Variants in FAT3 observed in about 807,000 individuals in gnomAD.
FAT3 encodes protocadherin Fat 3.
Under a neutral mutation model 310.2 loss-of-function variants are expected in FAT3, and 95 were observed. That is an observed-to-expected ratio of 0.31 (90% CI 0.26 to 0.36). The LOEUF is 0.36. Among genes scored for constraint, FAT3 ranks in the 10% least tolerant of loss-of-function variants. FAT3 has a pLI of 1.00. For synonymous variants in FAT3, 2,314 were observed against 2,192.9 expected, an observed-to-expected ratio of 1.06 and a Z score of -1.54; for missense variants, 5,408 against 5,715.6, an observed-to-expected ratio of 0.95 and a Z score of 1.74.
intron 3 of FAT3, among the ~76,000 whole-genome samples, chr11:92,576,659 G>T (rs939567444): frequency 4.6e-5 from 7 of 152,088 alleles, no homozygotes; most frequent in Admixed American, 1.3e-4. Context: ...AAAGGCAAAG[G>T]TTCCAATCAG....
intron 3 of FAT3, 82 bp from the exon 4 acceptor site, chr11:92,697,302 C>T: frequency 2.3e-6 from 3 of 1,293,608 alleles, no homozygotes; most frequent in Admixed American, 1.8e-5. Flanking sequence ...TTTGCTTTTC[C>T]TTTAACTGGA....
Position 92,252,347 on chromosome 11 carries a change from G to A in FAT3, c.-18+27173G>A, listed in dbSNP as rs566316765. Among the ~76,000 whole-genome samples the A allele has an allele frequency of 1.6e-4, 25 of 152,262 alleles. 2 individuals carry two copies. The South Asian group carries it at 5.2e-3, about 32-fold the overall frequency. ...CAAGGTCAATGGAATGGAATGAAAAGTGAAATCCTTTGGGTTTAACTACTT... is the reference window on the plus strand; with the variant it reads ...CAAGGTCAATGGAATGGAATGAAAAATGAAATCCTTTGGGTTTAACTACTT... On this transcript the variant is annotated intron_variant, in intron 1 of 27. Coordinates refer to ENST00000525166, the MANE Select transcript of FAT3 (RefSeq NM_001367949.2).
intron 2 of FAT3, among the ~76,000 whole-genome samples, chr11:92,492,035 AG>A (rs1423141911): frequency 6.6e-6 from 1 of 152,074 alleles, no homozygotes; most frequent in Admixed American, 6.6e-5. Flanking sequence ...GTTCTTATGC[AG>A]TAATATAGTG....
At chr11:92,787,347 C>CT (rs889426056) in intron 7 of FAT3, among the ~76,000 whole-genome samples, 1 of 152,000 alleles carries the variant, frequency 6.6e-6, no homozygotes, top group South Asian at 2.1e-4. Context: ...GAATATATCT[C>CT]TTTTGTAAAT....
chr11:92,836,796 C>G (rs980707155), intron 16 of FAT3, 93 bp downstream of exon 16: 12 of 1,431,244 alleles, frequency 8.4e-6, no homozygotes, highest in South Asian at 1.4e-5. Context: ...TAGGAAAGTT[C>G]TCCATTCTAA....
chr11:92,666,090 A>G (rs560598973), intron 3 of FAT3, among the ~76,000 whole-genome samples: 41 of 152,326 alleles, frequency 2.7e-4, no homozygotes, highest in African/African-American at 9.9e-4. Flanking sequence ...GTTCATAAAC[A>G]CCTTAACCAT....
chr11:92,592,713 A>C (rs896837167), intron 3 of FAT3, among the ~76,000 whole-genome samples: 1 of 152,114 alleles, frequency 6.6e-6, no homozygotes, highest in Non-Finnish European at 1.5e-5. Context: ...GATAACTGAA[A>C]ATTTGAGCAC....
Position 92,259,958 on chromosome 11 carries a change from A to C in FAT3, c.-18+34784A>C, listed in dbSNP as rs111369530. ...TAAGATGGAACTGAGTTTGCCCTCA[A>C]GTCTTTCAAAGATAAGACAGTTTTA... On this transcript the variant is annotated intron_variant, in intron 1 of 27. Coordinates refer to ENST00000525166, the MANE Select transcript of FAT3 (RefSeq NM_001367949.2). 5.3e-5 allele frequency among the ~76,000 whole-genome samples: 8 copies of C among 152,278 alleles called. 1 individual carries two copies. The highest frequency in any genetic ancestry group is 1.7e-4 in the African/African-American group (7 of 41,568).
At chr11:92,721,872 A>G (rs370993381) in intron 4 of FAT3, among the ~76,000 whole-genome samples, 13 of 152,248 alleles carry the variant, frequency 8.5e-5, no homozygotes, top group African/African-American at 3.1e-4. Flanking sequence ...TAAAACAATC[A>G]GATCCCATGA....
At chr11:92,261,046 T>C (rs1238121965) in intron 1 of FAT3, among the ~76,000 whole-genome samples, 1 of 152,090 alleles carries the variant, frequency 6.6e-6, no homozygotes, top group Admixed American at 6.6e-5. Context: ...AGAGAAAGAA[T>C]TGTATCATTT....
In FAT3 at chr11:92,355,021, A is replaced by G. The variant is rs1197713021; in HGVS notation, c.2909A>G (p.Gln970Arg). The part of the protein sequence containing the change: ...THDPDLGLGG[Q>R]VRYSLVNDYN... ...GATCCAGATCTTGGACTGGGGGGTC[A>G]AGTGCGCTATTCTTTGGTCAATGAC... Residue 970 changes from glutamine (Q) to arginine (R), a missense_variant, in exon 2 of 28, where the codon CAA (glutamine) becomes CGA (arginine). This residue lies in a region of FAT3 where 4,588 missense variants were observed against 4,809.8 expected (regional missense o/e 0.95). Transcript: ENST00000525166. 1.2e-6 allele frequency: 2 copies of G among 1,613,818 alleles called. No individual in the cohort carries two copies. Among genetic ancestry groups the G allele is most frequent in the Non-Finnish European group, 1.7e-6 (2 of 1,179,856 alleles).
In FAT3 at chr11:92,840,757, C is replaced by G. The variant is rs1313992477; in HGVS notation, c.10564C>G (p.Gln3522Glu). 1.3e-6 allele frequency: 2 copies of G among 1,570,950 alleles called. No individual in the cohort carries two copies. ...GTCTCTGGAATACGTGTTGTGTGTC[C>G]AGGTATGGCATCGCACTCTGTCTCC... ...TESLEYVLCV[Q>E]AKDSGKPQQV... The change falls in exon 18 of 28, where the codon CAG becomes GAG. Residue 3522 changes from glutamine (Q) to glutamate (E), a missense_variant and splice_region_variant. By Grantham distance (29) the Gln-to-Glu change is conservative (BLOSUM62 2). Coordinates refer to ENST00000525166, the MANE Select transcript of FAT3 (RefSeq NM_001367949.2).
chr11:92,854,024 C>T (rs1419170204), intron 19 of FAT3, among the ~76,000 whole-genome samples: 1 of 152,126 alleles, frequency 6.6e-6, no homozygotes, highest in Non-Finnish European at 1.5e-5. Context: ...CGTATCCAGG[C>T]TGTTCATTTT....
chr11:92,852,017 A>G (rs1489191495), intron 19 of FAT3, among the ~76,000 whole-genome samples: 2 of 152,126 alleles, frequency 1.3e-5, no homozygotes, highest in Non-Finnish European at 2.9e-5. Context: ...GCATCCATTT[A>G]AAGCTTACTA....
At chr11:92,832,953 A>C (rs932406095) in intron 14 of FAT3, among the ~76,000 whole-genome samples, 1 of 152,148 alleles carries the variant, frequency 6.6e-6, no homozygotes, top group Non-Finnish European at 1.5e-5. Flanking sequence ...CTCATTTCTC[A>C]CCACATCCTT....
At chr11:92,372,637 G>A (rs1345618967) in intron 2 of FAT3, among the ~76,000 whole-genome samples, 3 of 150,522 alleles carry the variant, frequency 2.0e-5, no homozygotes, top group Non-Finnish European at 4.4e-5. Flanking sequence ...GCAGCACTTT[G>A]CGTTCTTTGA....
intron 4 of FAT3, among the ~76,000 whole-genome samples, chr11:92,715,848 C>G (rs558997142): frequency 8.6e-5 from 13 of 151,790 alleles, no homozygotes; most frequent in African/African-American, 2.9e-4. Flanking sequence ...ATGATTCAAG[C>G]AGAAGATATA....
chr11:92,853,661 T>A (rs1006580370), intron 19 of FAT3, among the ~76,000 whole-genome samples: 3 of 152,114 alleles, frequency 2.0e-5, no homozygotes, highest in Non-Finnish European at 4.4e-5. Flanking sequence ...GGGTAGCCCC[T>A]TACTGCAGGC....
Position 92,799,914 on chromosome 11 carries a change from C to G in FAT3, c.6901C>G (p.Leu2301Val), listed in dbSNP as rs370503286. Residue 2301 changes from leucine to valine, a missense_variant, in exon 10 of 28, where the codon CTT (leucine) becomes GTT (valine). Transcript: ENST00000525166. ...TYNTTLSEAS[L>V]IGTPVLQVVS... Reference sequence around the variant, plus strand: ...CAATACAACACTATCAGAAGCATCTCTTATTGGGACACCTGTTTTACAAGT... The same window carrying G: ...CAATACAACACTATCAGAAGCATCTGTTATTGGGACACCTGTTTTACAAGT... 10 of 1,612,642 alleles carry G rather than the reference C, an allele frequency of 6.2e-6. No individual in the cohort carries two copies. The highest frequency in any genetic ancestry group is 1.3e-5 in the African/African-American group (1 of 74,882).
Sources: gnomAD v4.1 joint callset for allele counts (sites outside exome capture counted in the v4.1 genomes callset) on GRCh38, gnomAD v4.1.1 for gene constraint, gnomAD v4.1.1 regional missense constraint, MANE v1.5 for transcripts, NCBI Gene and HGNC (gene_info 2026-07-23, HGNC 2026-07-21) for gene names.